The following HLX variants were observed in gnomAD, a reference collection of about 807,000 sequenced individuals.
The protein encoded by HLX is H2.0 like homeobox.
Under a neutral mutation model 27.7 loss-of-function variants are expected in HLX, and 6 were observed. The observed-to-expected ratio is 0.22, with a 90% CI of 0.12 to 0.43. The LOEUF is 0.43. Ranked by LOEUF, HLX falls within the 20% of genes least tolerant of loss-of-function variation. The probability of loss-of-function intolerance (pLI) is 1.00; values close to 1 mark genes in which losing one functional copy is unlikely to be tolerated. For missense variants in HLX, 666 were observed against 655.2 expected (o/e 1.02, Z -0.18); for synonymous variants, 328 against 293.8 (o/e 1.12, Z -1.19).
At position 220,884,826 on chromosome 1, in the gene HLX, C is replaced by T; in HGVS notation, c.*122C>T. 1.9e-5 allele frequency: 28 copies of T among 1,438,030 alleles called. No individual in the cohort carries two copies. Among genetic ancestry groups the T allele is most frequent in the Non-Finnish European group, 2.6e-5 (28 of 1,077,870 alleles). 89.1% of individuals were successfully genotyped at this position (1,438,030 alleles called of 1,614,324 possible). ...GGAGACGCAGCGTGGAGCCTACCTC[C>T]CGACATTCACGCTTCGCCCCACGCT... On this transcript the variant is annotated 3_prime_UTR_variant, in exon 4 of 4. Transcript: ENST00000366903. The surrounding 1 kb of genome is among the most constrained non-coding windows in gnomAD (Gnocchi z 4.9).
chr1:220,880,392 G>C lies in HLX; in HGVS notation c.535G>C (p.Asp179His). The change falls in exon 1 of 4, where the codon GAC (aspartate) becomes CAC (histidine). Residue 179 changes from aspartate (D) to histidine (H), a missense_variant. Coordinates refer to ENST00000366903, the MANE Select transcript of HLX (RefSeq NM_021958.4). Reference protein sequence around the residue: ...PSSKDLKFGIDRILSAEFDPK... With the variant: ...PSSKDLKFGIHRILSAEFDPK... ...CAGCAAAGACCTCAAATTTGGAATTGACCGCATTTTATCTGCAGAATTTGA... is the reference window on the plus strand; with the variant it reads ...CAGCAAAGACCTCAAATTTGGAATTCACCGCATTTTATCTGCAGAATTTGA... 1.2e-6 allele frequency: 2 copies of C among 1,614,110 alleles called. No individual in the cohort carries two copies. Among genetic ancestry groups the C allele is most frequent in the Non-Finnish European group, 1.7e-6 (2 of 1,180,040 alleles).
At chr1:220,880,579 A>G in intron 1 of HLX, 130 bp downstream of exon 1, 3 of 981,424 alleles carry the variant, frequency 3.1e-6, no homozygotes, top group Non-Finnish European at 4.8e-6. Context: ...GAAGAAAACG[A>G]ATTGTAAGAA....
chr1:220,881,147 T>G, intron 1 of HLX, 47 bp from the exon 2 acceptor site: 2 of 1,515,504 alleles, frequency 1.3e-6, no homozygotes, highest in Non-Finnish European at 1.8e-6. Flanking sequence ...GCGGAGAGTG[T>G]GAGTGTGCCC....
Position 220,885,044 on chromosome 1 carries a change from T to G in HLX, c.*340T>G. The G allele has an allele frequency of 3.1e-6, 1 of 323,182 alleles. No homozygotes were observed. The highest frequency in any genetic ancestry group is 5.9e-6 in the Non-Finnish European group (1 of 170,448). The allele number at this position is 323,182 out of a possible 1,614,324, so 20.0% of individuals were successfully genotyped here. A position where few individuals can be genotyped will look rare whatever the true frequency, so the allele number is the denominator to read the frequency against. ...GCCTTAAATTTGTAAATAAAATGTT[T>G]ACTACGGTTTGTAAAGGCCGCTTGG... On this transcript the variant is annotated 3_prime_UTR_variant, in exon 4 of 4. Coordinates refer to ENST00000366903, the MANE Select transcript of HLX (RefSeq NM_021958.4).
intron 2 of HLX, chr1:220,881,763 AACACACACACACACACAC>A (rs71167242): frequency 0.013 from 3,883 of 306,282 alleles, 9 homozygotes; most frequent in South Asian, 0.034. Flanking sequence ...TGCGGGAATA[AACACACACACACACACAC>A]ACACACACAC....
chr1:220,881,615 T>G, intron 2 of HLX: 3 of 546,914 alleles, frequency 5.5e-6, no homozygotes, highest in Admixed American at 3.1e-5. Flanking sequence ...GACGGTGGGG[T>G]GGGGGGCTTT....
chr1:220,880,151 G>C lies in HLX; in HGVS notation c.294G>C (p.Val98=). The part of the protein sequence containing the change: ...AARSPLRPTP[V]VAPSEVPAGF... ...GATCCCCGCTTCGACCCACCCCAGT[G>C]GTGGCGCCCTCCGAAGTCCCGGCTG... The change falls in exon 1 of 4, where the codon GTG becomes GTC. Residue 98 remains valine, a synonymous_variant. Coordinates refer to ENST00000366903, the MANE Select transcript of HLX (RefSeq NM_021958.4). 1 of 1,612,220 alleles carries C rather than the reference G, an allele frequency of 6.2e-7. No individual in the cohort carries two copies. The highest frequency in any genetic ancestry group is 8.5e-7 in the Non-Finnish European group (1 of 1,179,466).
chr1:220,881,763 AACACACACACACACACACACACACAC>A (rs71167242), intron 2 of HLX: 18 of 306,834 alleles, frequency 5.9e-5, no homozygotes, highest in African/African-American at 1.0e-4. Flanking sequence ...TGCGGGAATA[AACACACACACACACACACACACACAC>A]ACACACACAC....
chr1:220,884,054 G>A lies in HLX; in HGVS notation c.958-141G>A, dbSNP rs186105284. 1.5e-5 allele frequency: 13 copies of A among 841,848 alleles called. No individual in the cohort carries two copies. Among genetic ancestry groups the A allele is most frequent in the African/African-American group, 5.0e-5 (3 of 60,078 alleles). The allele number at this position is 841,848 out of a possible 1,614,324, so 52.1% of individuals were successfully genotyped here. A position where few individuals can be genotyped will look rare whatever the true frequency, so the allele number is the denominator to read the frequency against. ...CCTTGGCTCCTGCGCCTACCACAGTGTCTGGTCCTTGGTAGAGTCGCCAAG... is the reference window on the plus strand; with the variant it reads ...CCTTGGCTCCTGCGCCTACCACAGTATCTGGTCCTTGGTAGAGTCGCCAAG... On this transcript the variant is annotated intron_variant, in intron 3 of 3. Coordinates refer to ENST00000366903, the MANE Select transcript of HLX (RefSeq NM_021958.4). The surrounding 1 kb of genome is among the most constrained non-coding windows in gnomAD (Gnocchi z 4.9).
chr1:220,881,327 G>T lies in HLX; in HGVS notation c.726G>T (p.Ser242=). The T allele has an allele frequency of 1.9e-6, 3 of 1,614,098 alleles. No individual in the cohort carries two copies. The highest frequency in any genetic ancestry group is 2.5e-6 in the Non-Finnish European group (3 of 1,179,970). The change falls in exon 2 of 4, where the codon TCG becomes TCT. Residue 242 remains serine, a synonymous_variant. Coordinates refer to ENST00000366903, the MANE Select transcript of HLX (RefSeq NM_021958.4). ...EASAILSPLN[S]NPRNSVQHQF... ...CTGCAATCCTGAGTCCCTTAAACTC[G>T]AACCCAAGAAATTCAGTTCAGCATC...
At chr1:220,883,495 GT>G (rs771484068) in intron 3 of HLX, 9 of 152,448 alleles carry the variant, frequency 5.9e-5, no homozygotes, top group Non-Finnish European at 1.3e-4. Flanking sequence ...TAATTCCATT[GT>G]TTTCTGAGCC....
At position 220,879,869 on chromosome 1, in the gene HLX, C is replaced by T. The variant is rs780246671; in HGVS notation, c.12C>T (p.Ala4=). 4.4e-6 allele frequency: 7 copies of T among 1,582,138 alleles called. No individual in the cohort carries two copies. The highest frequency in any genetic ancestry group is 5.1e-6 in the Non-Finnish European group (6 of 1,171,282). The change falls in exon 1 of 4, where the codon GCC becomes GCT. Residue 4 remains alanine, a synonymous_variant. Transcript: ENST00000366903. ...CTCACCCCGGCAGGATGTTCGCAGC[C>T]GGGCTGGCTCCCTTCTACGCCTCCA... The part of the protein sequence containing the change: MFA[A]GLAPFYASNF...
Position 220,879,996 on chromosome 1 carries a change from G to T in HLX, c.139G>T (p.Ala47Ser), listed in dbSNP as rs762478129. Reference protein sequence around the residue: ...AAVKKPSFCIADILHAGVGDL... With the variant: ...AAVKKPSFCISDILHAGVGDL... ...CGTCAAAAAGCCCTCCTTCTGCATC[G>T]CAGACATTCTGCACGCCGGCGTGGG... Residue 47 changes from alanine to serine, a missense_variant, in exon 1 of 4, where the codon GCA becomes TCA. By Grantham distance (99) the Ala-to-Ser change is moderately conservative. Transcript: ENST00000366903. The T allele has an allele frequency of 6.3e-7, 1 of 1,598,128 alleles. No homozygotes were observed. Among genetic ancestry groups the T allele is most frequent in the African/African-American group, 1.3e-5 (1 of 74,912 alleles).
At position 220,880,240 on chromosome 1, in the gene HLX, A is replaced by AGCAGCAGCAACAGCC. The variant is rs759565872; in HGVS notation, c.399_413dup (p.Gln134_Pro138dup). The AGCAGCAGCAACAGCC allele has an allele frequency of 1.7e-5, 27 of 1,608,024 alleles. No homozygotes were observed. The highest frequency in any genetic ancestry group is 1.7e-4 in the Middle Eastern group (1 of 6,054). On this transcript the variant is annotated inframe_insertion, in exon 1 of 4. Transcript: ENST00000366903. ...CACCACCATCACCCGCAACAACAAC[A>AGCAGCAGCAACAGCC]GCAGCAGCAACAGCCGCAGCAGCAA...
chr1:220,884,863 C>A lies in HLX; in HGVS notation c.*159C>A. Reference sequence around the variant, plus strand: ...CTTCGCCCCACGCTGCTCCGACTGGCTGCAGCGGACACTGCCCAAAGCAGA... The same window carrying A: ...CTTCGCCCCACGCTGCTCCGACTGGATGCAGCGGACACTGCCCAAAGCAGA... On this transcript the variant is annotated 3_prime_UTR_variant, in exon 4 of 4. Coordinates refer to ENST00000366903, the MANE Select transcript of HLX (RefSeq NM_021958.4). The surrounding 1 kb of genome is among the most constrained non-coding windows in gnomAD (Gnocchi z 4.9). The A allele has an allele frequency of 8.5e-7, 1 of 1,181,008 alleles. No individual in the cohort carries two copies. The highest frequency in any genetic ancestry group is 1.2e-6 in the Non-Finnish European group (1 of 858,404). 73.2% of individuals were successfully genotyped at this position (1,181,008 alleles called of 1,614,324 possible). A position where few individuals can be genotyped will look rare whatever the true frequency, so the allele number is the denominator to read the frequency against.
Position 220,884,192 on chromosome 1 carries a change from C to T in HLX, c.958-3C>T, listed in dbSNP as rs758629284. The T allele has an allele frequency of 1.2e-6, 2 of 1,613,900 alleles. No homozygotes were observed. Among genetic ancestry groups the T allele is most frequent in the Non-Finnish European group, 1.7e-6 (2 of 1,179,978 alleles). On this transcript the variant is annotated splice_region_variant and splice_polypyrimidine_tract_variant and intron_variant, in intron 3 of 3. Transcript: ENST00000366903. This position sits in a 1 kb window ranked among gnomAD's most constrained non-coding sequence, Gnocchi z 4.9. ...TCTTGTCTCCCGGTGTGGCGCGGCGCAGGTGAAGGTGTGGTTCCAGAACCG... is the reference window on the plus strand; with the variant it reads ...TCTTGTCTCCCGGTGTGGCGCGGCGTAGGTGAAGGTGTGGTTCCAGAACCG...
chr1:220,881,958 G>A (rs1340959902), intron 2 of HLX: 3 of 666,048 alleles, frequency 4.5e-6, no homozygotes, highest in African/African-American at 1.8e-5. Context: ...CTCCACGCTC[G>A]CTTTAGGTCT....
chr1:220,884,924 T>TTC lies in HLX; in HGVS notation c.*225_*226dup. ...AGTGTCCTGCTAGCCAGCCGAACAC[T>TTC]TCTCTCCGGAAGCAGGCTGGTTCGA... On this transcript the variant is annotated 3_prime_UTR_variant, in exon 4 of 4. Coordinates refer to ENST00000366903, the MANE Select transcript of HLX (RefSeq NM_021958.4). The surrounding 1 kb of genome is among the most constrained non-coding windows in gnomAD (Gnocchi z 4.9). The TTC allele has an allele frequency of 1.5e-6, 1 of 687,294 alleles. No individual in the cohort carries two copies. Among genetic ancestry groups the TTC allele is most frequent in the Non-Finnish European group, 2.4e-6 (1 of 421,750 alleles). 42.6% of individuals were successfully genotyped at this position (687,294 alleles called of 1,614,324 possible). A position where few individuals can be genotyped will look rare whatever the true frequency, so the allele number is the denominator to read the frequency against.
chr1:220,879,872 G>A lies in HLX; in HGVS notation c.15G>A (p.Gly5=). The change falls in exon 1 of 4, where the codon GGG becomes GGA. Residue 5 remains glycine, a synonymous_variant. Transcript: ENST00000366903. ...ACCCCGGCAGGATGTTCGCAGCCGGGCTGGCTCCCTTCTACGCCTCCAACT... is the reference window on the plus strand; with the variant it reads ...ACCCCGGCAGGATGTTCGCAGCCGGACTGGCTCCCTTCTACGCCTCCAACT... MFAA[G]LAPFYASNFS... 6.3e-7 allele frequency: 1 copy of A among 1,584,018 alleles called. No homozygotes were observed. The highest frequency in any genetic ancestry group is 2.3e-5 in the East Asian group (1 of 43,790).
Sources: allele counts gnomAD v4.1 joint callset, GRCh38; gene constraint gnomAD v4.1.1; non-coding constraint Gnocchi (gnomAD v3.1); transcripts MANE v1.5; gene names NCBI Gene and HGNC (gene_info 2026-07-23, HGNC 2026-07-21).